The following UGT3A2 variants were observed in gnomAD, a reference collection of about 807,000 sequenced individuals.
The protein encoded by UGT3A2 is UDP glycosyltransferase family 3 member A2, also known as UDP-glycosyltransferase 3A2.
Under a neutral mutation model 39.8 loss-of-function variants are expected in UGT3A2, and 32 were observed. The ratio of observed to expected loss-of-function variants is 0.80; its 90% CI spans 0.61 to 1.08. UGT3A2 has a LOEUF of 1.08. Among genes scored for constraint, UGT3A2 ranks in the 50% least tolerant of loss-of-function variants. UGT3A2 has a pLI of 0.00. For missense variants in UGT3A2, 611 were observed against 637.1 expected (o/e 0.96, Z 0.44); for synonymous variants, 241 against 230.7 (o/e 1.04, Z -0.40).
rs770806914 is a variant in UGT3A2, at chr5:36,051,910, T to C, written c.271A>G (p.Lys91Glu). Reference protein sequence around the residue: ...APEDHQREFKKSFDFFLEETL... With the variant: ...APEDHQREFKESFDFFLEETL... ...TCTTCCAGAAAGAAATCAAAACTCT[T>C]TTTAAATTCTCTTTGATGATCTTCA... Residue 91 changes from lysine (K) to glutamate (E), a missense_variant, in exon 3 of 7, where the codon AAG (lysine) becomes GAG (glutamate). By Grantham distance (56) the Lys-to-Glu change is moderately conservative. Transcript: ENST00000282507. 5 of 1,594,774 alleles carry C rather than the reference T, an allele frequency of 3.1e-6. No individual in the cohort carries two copies. The highest frequency in any genetic ancestry group is 4.3e-6 in the Non-Finnish European group (5 of 1,175,446).
chr5:36,049,061 G>T lies in UGT3A2; in HGVS notation c.671C>A (p.Thr224Asn). 1 of 1,614,210 alleles carries T rather than the reference G, an allele frequency of 6.2e-7. No individual in the cohort carries two copies. Among genetic ancestry groups the T allele is most frequent in the Admixed American group, 1.7e-5 (1 of 60,006 alleles). Residue 224 changes from threonine to asparagine, a missense_variant, in exon 4 of 7, where the codon ACC (threonine) becomes AAC (asparagine). Transcript: ENST00000282507. Reference protein sequence around the residue: ...QQHMQSTFDNTIKEHFTEGSR... With the variant: ...QQHMQSTFDNNIKEHFTEGSR... ...GCCTTCTGTGAAATGTTCCTTGATGGTGTTGTCAAATGTAGACTGCATGTG... is the reference window on the plus strand; with the variant it reads ...GCCTTCTGTGAAATGTTCCTTGATGTTGTTGTCAAATGTAGACTGCATGTG...
Position 36,066,706 on chromosome 5 carries a change from T to C in UGT3A2, c.84A>G (p.Ile28Met). Residue 28 changes from isoleucine (I) to methionine (M), a missense_variant, in exon 1 of 7, where the codon ATA becomes ATG. Physicochemically the swap from Ile to Met is conservative, Grantham distance 10 (BLOSUM62 1). Transcript: ENST00000282507. ...LLSEAAKILT[I>M]STVGGSHYLL... is the part of the protein sequence containing the mutation. The stretch of plus-strand genomic sequence containing the variant: ...CGGCCAAGCACTCACCTACTGTAGA[T>C]ATTGTCAGGATTTTGGCAGCCTCTG... The C allele has an allele frequency of 6.2e-7, 1 of 1,614,064 alleles. No homozygotes were observed. Among genetic ancestry groups the C allele is most frequent in the East Asian group, 2.2e-5 (1 of 44,854 alleles).
At chr5:36,046,311 C>T (rs572166758) in intron 4 of UGT3A2, among the ~76,000 whole-genome samples, 52 of 152,306 alleles carry the variant, frequency 3.4e-4, no homozygotes, top group Admixed American at 6.5e-4. Flanking sequence ...CCTGCACTTC[C>T]GTGTTTATTG....
In UGT3A2 at chr5:36,035,222, G is replaced by A. The variant is rs148923399; in HGVS notation, c.*476C>T. On this transcript the variant is annotated 3_prime_UTR_variant, in exon 7 of 7. Coordinates refer to ENST00000282507, the MANE Select transcript of UGT3A2 (RefSeq NM_174914.4). ...CCTGAGCATTGAAGAGAATATGTGG[G>A]AGAACAAAACAGAAACTGAAAGAAT... The A allele has an allele frequency of 4.6e-3, 825 of 179,670 alleles. 31 individuals are homozygous for A. Among genetic ancestry groups the A allele is most frequent in the East Asian group, 0.031 (239 of 7,780 alleles). The allele number at this position is 179,670 out of a possible 1,614,324, so 11.1% of individuals were successfully genotyped here. A position where few individuals can be genotyped will look rare whatever the true frequency, so the allele number is the denominator to read the frequency against.
chr5:36,054,542 G>T (rs886957445), intron 2 of UGT3A2, among the ~76,000 whole-genome samples: 6 of 152,312 alleles, frequency 3.9e-5, no homozygotes, highest in African/African-American at 1.2e-4. Flanking sequence ...GTGGGTGAGA[G>T]TCTGGGTGTA....
Position 36,035,748 on chromosome 5 carries a change from C to T in UGT3A2, c.1522G>A (p.Gly508Ser). 2.5e-6 allele frequency: 4 copies of T among 1,614,110 alleles called. No individual in the cohort carries two copies. Among genetic ancestry groups the T allele is most frequent in the South Asian group, 2.2e-5 (2 of 91,074 alleles). Residue 508 changes from glycine (G) to serine (S), a missense_variant, in exon 7 of 7, where the codon GGC becomes AGC. By Grantham distance (56) the Gly-to-Ser change is moderately conservative (BLOSUM62 0). Transcript: ENST00000282507. Reference sequence around the variant, plus strand: ...CCACGCAGCCACCAGACAGCCATGCCCAGCAGCTTCCCACAAAGCCATAGA... The same window carrying T: ...CCACGCAGCCACCAGACAGCCATGCTCAGCAGCTTCCCACAAAGCCATAGA... Reference protein sequence around the residue: ...GTLWLCGKLLGMAVWWLRGAR... With the variant: ...GTLWLCGKLLSMAVWWLRGAR...
intron 4 of UGT3A2, among the ~76,000 whole-genome samples, chr5:36,045,508 G>A (rs370477066): frequency 1.3e-4 from 19 of 151,374 alleles, no homozygotes; most frequent in Admixed American, 8.6e-4. Flanking sequence ...CAGGAGAATC[G>A]CTTGAATCCA....
intron 4 of UGT3A2, 24 bp from the exon 5 acceptor site, chr5:36,039,732 A>G: frequency 6.2e-7 from 1 of 1,605,244 alleles, no homozygotes. Flanking sequence ...ACCAAGGTAA[A>G]GAGGTGACAA....
At chr5:36,047,325 G>A (rs935628446) in intron 4 of UGT3A2, among the ~76,000 whole-genome samples, 1 of 152,128 alleles carries the variant, frequency 6.6e-6, no homozygotes. Context: ...CCTCAACCTT[G>A]GCAAATAAAG....
chr5:36,040,716 G>A (rs761441878), intron 4 of UGT3A2, among the ~76,000 whole-genome samples: 9 of 152,272 alleles, frequency 5.9e-5, no homozygotes, highest in Non-Finnish European at 1.2e-4. Flanking sequence ...ACCAAGCACC[G>A]CAGGCTAAAG....
chr5:36,040,190 T>C (rs1178886690), intron 4 of UGT3A2, among the ~76,000 whole-genome samples: 2 of 152,188 alleles, frequency 1.3e-5, no homozygotes, highest in Non-Finnish European at 2.9e-5. Flanking sequence ...TGTTTTATGA[T>C]AGTCTCGGTC....
chr5:36,039,137 C>T (rs571839252), intron 5 of UGT3A2, among the ~76,000 whole-genome samples: 2 of 152,328 alleles, frequency 1.3e-5, no homozygotes, highest in Admixed American at 6.5e-5. Flanking sequence ...CTAGTATATA[C>T]ATTCAGAGTT....
At position 36,064,129 on chromosome 5, in the gene UGT3A2, G is replaced by T. The variant is rs1477277821; in HGVS notation, c.196+120C>A. On this transcript the variant is annotated intron_variant, in intron 2 of 6. Coordinates refer to ENST00000282507, the MANE Select transcript of UGT3A2 (RefSeq NM_174914.4). The stretch of plus-strand genomic sequence containing the variant: ...GCACTTTACATACACACACACACAA[G>T]CTTTTCATCCTTCCAATTGAATTAG... 4 of 923,794 alleles carry T rather than the reference G, an allele frequency of 4.3e-6. No homozygotes were observed. The African/African-American group carries it at 5.0e-5, about 12-fold the overall frequency. The allele number at this position is 923,794 out of a possible 1,614,324, so 57.2% of individuals were successfully genotyped here. A position where few individuals can be genotyped will look rare whatever the true frequency, so the allele number is the denominator to read the frequency against.
chr5:36,052,275 T>C (rs1292430238), intron 2 of UGT3A2, among the ~76,000 whole-genome samples: 4 of 152,216 alleles, frequency 2.6e-5, no homozygotes, highest in Admixed American at 2.6e-4. Flanking sequence ...ACAGTACACA[T>C]TTGTTTGATT....
At chr5:36,066,604 G>C in intron 1 of UGT3A2, 92 bp downstream of exon 1, 1 of 1,593,822 alleles carries the variant, frequency 6.3e-7, no homozygotes, top group Non-Finnish European at 8.6e-7. Flanking sequence ...AAAATCACGT[G>C]GATGACTCTG....
intron 2 of UGT3A2, among the ~76,000 whole-genome samples, chr5:36,057,737 C>T (rs1160199108): frequency 1.3e-5 from 2 of 151,728 alleles, no homozygotes; most frequent in East Asian, 3.9e-4. Flanking sequence ...GATGAAGTCT[C>T]ACTATGTTGC....
chr5:36,057,460 T>C (rs79220589), intron 2 of UGT3A2, among the ~76,000 whole-genome samples: 14,979 of 152,088 alleles, frequency 0.098, 2,549 homozygotes, highest in African/African-American at 0.35. Flanking sequence ...GAATTGTTTA[T>C]AGATTTTGCT....
chr5:36,049,550 C>A, intron 3 of UGT3A2, 130 bp from the exon 4 acceptor site: 2 of 699,400 alleles, frequency 2.9e-6, no homozygotes, highest in Non-Finnish European at 4.6e-6. Context: ...ACAAATTCAA[C>A]CAGTTTCCCA....
chr5:36,056,029 G>A (rs898613428), intron 2 of UGT3A2, among the ~76,000 whole-genome samples: 1 of 151,998 alleles, frequency 6.6e-6, no homozygotes, highest in Non-Finnish European at 1.5e-5. Context: ...GAGCCACCGC[G>A]CCCAGCCTCC....
Sources: gnomAD v4.1 joint callset for allele counts (sites outside exome capture counted in the v4.1 genomes callset) on GRCh38, gnomAD v4.1.1 for gene constraint, MANE v1.5 for transcripts, NCBI Gene and HGNC (gene_info 2026-07-23, HGNC 2026-07-21) for gene names.